Variants in CPQ observed in about 807,000 individuals in gnomAD.
The protein encoded by CPQ is Ser-Met dipeptidase.
A neutral mutation model predicts 45.7 loss-of-function variants in CPQ; 37 were observed. That is an observed-to-expected ratio of 0.81 (90% CI 0.62 to 1.07). CPQ has a LOEUF of 1.07. CPQ is among the 50% of genes least tolerant of loss of function. CPQ has a pLI of 0.00. For missense variants in CPQ, 537 were observed against 572.9 expected (o/e 0.94, Z 0.64); for synonymous variants, 186 against 205.8 (o/e 0.90, Z 0.82).
chr8:96,915,053 C>T (rs1812713614), intron 4 of CPQ, among the ~76,000 whole-genome samples: 1 of 152,054 alleles, frequency 6.6e-6, no homozygotes, highest in Admixed American at 6.6e-5. Context: ...CAGGGTTATC[C>T]GTTTTACCTG....
chr8:96,921,944 T>A (rs913030397), intron 4 of CPQ, among the ~76,000 whole-genome samples: 1 of 152,136 alleles, frequency 6.6e-6, no homozygotes, highest in South Asian at 2.1e-4. Context: ...AACTTTGATT[T>A]TGGATGTCTT....
chr8:96,744,206 A>C (rs995293982), intron 1 of CPQ, among the ~76,000 whole-genome samples: 3 of 152,232 alleles, frequency 2.0e-5, no homozygotes, highest in African/African-American at 7.2e-5. Flanking sequence ...CAGTCGGAAA[A>C]GCGCAGTATT....
At chr8:97,044,549 C>G (rs199583309) in intron 6 of CPQ, among the ~76,000 whole-genome samples, 15 of 152,290 alleles carry the variant, frequency 9.8e-5, no homozygotes, top group African/African-American at 3.4e-4. Context: ...CTTTGGAGGA[C>G]GAGAGGTGCT....
intron 4 of CPQ, among the ~76,000 whole-genome samples, chr8:96,937,488 C>T (rs540551739): frequency 6.6e-6 from 1 of 152,226 alleles, no homozygotes; most frequent in South Asian, 2.1e-4. Context: ...AATCAAGAAA[C>T]GCCTCCAGGC....
chr8:96,770,975 A>G (rs1189141740), intron 1 of CPQ, among the ~76,000 whole-genome samples: 1 of 148,814 alleles, frequency 6.7e-6, no homozygotes, highest in African/African-American at 2.4e-5. Context: ...CTTTGTAAAT[A>G]GGTACTGTCT....
At chr8:96,880,121 T>C in intron 4 of CPQ, 116 bp downstream of exon 4, 1 of 812,590 alleles carries the variant, frequency 1.2e-6, no homozygotes, top group Non-Finnish European at 2.0e-6. Context: ...CATAGATTCG[T>C]TGAAGGCAGA....
intron 1 of CPQ, among the ~76,000 whole-genome samples, chr8:96,776,375 G>A (rs1810605111): frequency 6.6e-6 from 1 of 152,086 alleles, no homozygotes; most frequent in Non-Finnish European, 1.5e-5. Context: ...GGGTTTAGGG[G>A]AAATATTTAA....
At chr8:97,076,271 G>T (rs1267792724) in intron 7 of CPQ, among the ~76,000 whole-genome samples, 1 of 152,082 alleles carries the variant, frequency 6.6e-6, no homozygotes, top group Non-Finnish European at 1.5e-5. Flanking sequence ...TGATCCTCCT[G>T]CCTCAGCCTC....
chr8:96,842,301 T>A (rs927669618), intron 3 of CPQ, among the ~76,000 whole-genome samples: 1 of 152,164 alleles, frequency 6.6e-6, no homozygotes, highest in Non-Finnish European at 1.5e-5. Context: ...TAATTAGCTA[T>A]CAAGCTTCAT....
intron 2 of CPQ, among the ~76,000 whole-genome samples, chr8:96,813,972 G>A (rs1469073330): frequency 6.8e-6 from 1 of 147,308 alleles, no homozygotes; most frequent in Non-Finnish European, 1.5e-5. Flanking sequence ...TTTAGACTAA[G>A]GACTGTCATA....
chr8:96,835,904 G>A (rs1055907756), intron 3 of CPQ, among the ~76,000 whole-genome samples: 4 of 152,062 alleles, frequency 2.6e-5, no homozygotes, highest in Non-Finnish European at 2.9e-5. Context: ...TTTTGATTGA[G>A]GTAATGCCAA....
At chr8:97,133,676 A>G (rs1252330057) in intron 7 of CPQ, among the ~76,000 whole-genome samples, 2 of 152,232 alleles carry the variant, frequency 1.3e-5, no homozygotes, top group African/African-American at 4.8e-5. Flanking sequence ...TTAATGTCTT[A>G]GAAGCCAATA....
intron 1 of CPQ, among the ~76,000 whole-genome samples, chr8:96,779,065 A>G (rs1351324096): frequency 1.4e-5 from 2 of 140,376 alleles, no homozygotes; most frequent in African/African-American, 2.9e-5. Context: ...TCCATCTCCA[A>G]AAAAAAAAAA....
rs2130848518 is a variant in CPQ at position 96,834,955 on chromosome 8, C to T, written c.434-18C>T. The T allele has an allele frequency of 6.2e-7, 1 of 1,607,184 alleles. No homozygotes were observed. The highest frequency in any genetic ancestry group is 2.2e-5 in the East Asian group (1 of 44,768). On this transcript the variant is annotated intron_variant, in intron 2 of 7. Coordinates refer to ENST00000220763, the MANE Select transcript of CPQ (RefSeq NM_016134.4). ...GATGGGAAACTGTAAGTTAATCTTG[C>T]ATGACTTTTATTTCTAGGCATTACA...
intron 7 of CPQ, among the ~76,000 whole-genome samples, chr8:97,091,353 T>G (rs1563577546): frequency 6.6e-6 from 1 of 152,330 alleles, no homozygotes; most frequent in East Asian, 1.9e-4. Context: ...CTGGCTAGTT[T>G]TGACTGACTT....
intron 4 of CPQ, among the ~76,000 whole-genome samples, chr8:96,897,886 T>C (rs943950081): frequency 1.3e-5 from 2 of 152,168 alleles, no homozygotes; most frequent in African/African-American, 4.8e-5. Flanking sequence ...GCTTCCCTTT[T>C]AATTTGCATA....
At chr8:96,843,271 A>T (rs1433561932) in intron 3 of CPQ, among the ~76,000 whole-genome samples, 1 of 152,162 alleles carries the variant, frequency 6.6e-6, no homozygotes, top group Non-Finnish European at 1.5e-5. Context: ...AAGTACATGT[A>T]AAGTTGCTAC....
chr8:96,992,115 TG>T (rs757233752), intron 5 of CPQ, among the ~76,000 whole-genome samples: 6 of 152,218 alleles, frequency 3.9e-5, no homozygotes, highest in Admixed American at 6.5e-5. Flanking sequence ...TTATCATGAC[TG>T]GCCCCTTTTC....
intron 1 of CPQ, among the ~76,000 whole-genome samples, chr8:96,699,830 G>A (rs1226845410): frequency 2.0e-5 from 3 of 152,088 alleles, no homozygotes; most frequent in Non-Finnish European, 2.9e-5. Flanking sequence ...TGGCCAAACT[G>A]TCCTTATCAC....
Sources: gnomAD v4.1 joint callset for allele counts (sites outside exome capture counted in the v4.1 genomes callset) on GRCh38, gnomAD v4.1.1 for gene constraint, MANE v1.5 for transcripts, NCBI Gene and HGNC (gene_info 2026-07-23, HGNC 2026-07-21) for gene names.